Variants in MRPL21 observed in about 807,000 individuals in gnomAD.
MRPL21 encodes the protein mitochondrial ribosomal protein L21, also known as large ribosomal subunit protein bL21m.
A neutral mutation model predicts 27.3 loss-of-function variants in MRPL21; 20 were observed. The observed-to-expected ratio is 0.73, with a 90% CI of 0.52 to 1.06. MRPL21 has a LOEUF of 1.06. Ranked by LOEUF, MRPL21 falls within the 50% of genes least tolerant of loss-of-function variation. The pLI is 0.00. For synonymous variants in MRPL21, 98 were observed against 101.5 expected, an observed-to-expected ratio of 0.97 and a Z score of 0.21; for missense variants, 249 against 251.4, an observed-to-expected ratio of 0.99 and a Z score of 0.06.
intron 6 of MRPL21, chr11:68,892,002 T>G: frequency 9.9e-7 from 1 of 1,011,210 alleles, no homozygotes; most frequent in Non-Finnish European, 1.3e-6. Context: ...CACTGCTGCT[T>G]TGGGGACAGT....
Position 68,896,650 on chromosome 11 carries a change from G to T in MRPL21, c.261C>A (p.Ile87=), listed in dbSNP as rs1333436758. The change falls in exon 4 of 7, where the codon ATC becomes ATA. Residue 87 remains isoleucine, a synonymous_variant. Coordinates refer to ENST00000362034, the MANE Select transcript of MRPL21 (RefSeq NM_181514.2). The part of the protein sequence containing the change: ...AEVVKKVNEM[I]VTGQYGRLFA... ...AGAGCCTGCCATACTGCCCCGTGAC[G>T]ATCATCTCATTCACCTTCTTCACGA... The T allele has an allele frequency of 6.2e-7, 1 of 1,614,096 alleles. No individual in the cohort carries two copies. Among genetic ancestry groups the T allele is most frequent in the Non-Finnish European group, 8.5e-7 (1 of 1,179,994 alleles).
Position 68,896,597 on chromosome 11 carries a change from TG to T in MRPL21, c.313del (p.Gln105SerfsTer4). 1 of 1,614,194 alleles carries T rather than the reference TG, an allele frequency of 6.2e-7. No individual in the cohort carries two copies. The highest frequency in any genetic ancestry group is 1.3e-5 in the African/African-American group (1 of 75,046). On this transcript the variant is annotated frameshift_variant, in exon 4 of 7. Transcript: ENST00000362034. LOFTEE classifies it high-confidence loss of function. ...CAGGTCTTCAGAGGTCACCTTCCAC[TG>T]GCGGCTGGCAAAGTGCACCACGGCA... ...LFAVVHFASR[Q>X]WKVTSEDLIL...
intron 6 of MRPL21, 189 bp from the exon 7 acceptor site, chr11:68,891,584 T>G (rs1594401526): frequency 1.6e-6 from 1 of 638,394 alleles, no homozygotes; most frequent in Non-Finnish European, 2.8e-6. Context: ...TGTTGGCAGG[T>G]GCAGAGGCTG....
chr11:68,902,533 A>G (rs1390724599), intron 1 of MRPL21, among the ~76,000 whole-genome samples: 1 of 152,234 alleles, frequency 6.6e-6, no homozygotes, highest in Non-Finnish European at 1.5e-5. Flanking sequence ...ACCAAAATTG[A>G]GTGGAAGGTA....
At chr11:68,893,034 TA>T in intron 5 of MRPL21, 41 bp from the exon 6 acceptor site, 1 of 1,503,874 alleles carries the variant, frequency 6.6e-7, no homozygotes, top group Non-Finnish European at 8.9e-7. Flanking sequence ...CCTTTTGGAT[TA>T]TTTTTCAAAT....
intron 4 of MRPL21, among the ~76,000 whole-genome samples, chr11:68,893,690 AGAG>A (rs1373701155): frequency 1.3e-5 from 2 of 152,266 alleles, no homozygotes; most frequent in Non-Finnish European, 2.9e-5. Context: ...TCCAACCCTC[AGAG>A]GAGACGCACA....
chr11:68,901,178 A>C lies in MRPL21; in HGVS notation c.89-573T>G, dbSNP rs141745699. Among the ~76,000 whole-genome samples the C allele has an allele frequency of 6.3e-3, 960 of 152,270 alleles. 9 individuals are homozygous for C. The highest frequency in any genetic ancestry group is 0.022 in the African/African-American group (912 of 41,540). ...TAGGCCTATCGCCAACACCCATGGGAACGACCTTGCAGGTAGATTCTCCAG... is the reference window on the plus strand; with the variant it reads ...TAGGCCTATCGCCAACACCCATGGGCACGACCTTGCAGGTAGATTCTCCAG... On this transcript the variant is annotated intron_variant, in intron 1 of 6. Transcript: ENST00000362034.
intron 2 of MRPL21, among the ~76,000 whole-genome samples, chr11:68,900,082 T>C (rs1857897422): frequency 6.6e-6 from 1 of 152,244 alleles, no homozygotes; most frequent in African/African-American, 2.4e-5. Context: ...CAGTTTATGA[T>C]ACCTAAAAAT....
chr11:68,899,913 G>T (rs1857891878), intron 2 of MRPL21, among the ~76,000 whole-genome samples: 1 of 152,154 alleles, frequency 6.6e-6, no homozygotes, highest in Non-Finnish European at 1.5e-5. Context: ...CACCCATGCA[G>T]ATAGAAATGA....
intron 4 of MRPL21, among the ~76,000 whole-genome samples, chr11:68,894,639 C>A (rs1857742156): frequency 6.6e-6 from 1 of 152,150 alleles, no homozygotes; most frequent in South Asian, 2.1e-4. Context: ...AAGAAAAAAT[C>A]CAATCATACT....
chr11:68,897,844 GT>G lies in MRPL21; in HGVS notation c.232+82del, dbSNP rs1480736597. Reference sequence around the variant, plus strand: ...ATCTGGAAACATGAAGCCTCGTTCTGTGGCCTGGTGACAACCTCTGTGGCTG... The same window carrying G: ...ATCTGGAAACATGAAGCCTCGTTCTGGGCCTGGTGACAACCTCTGTGGCTG... On this transcript the variant is annotated intron_variant, in intron 3 of 6. Coordinates refer to ENST00000362034, the MANE Select transcript of MRPL21 (RefSeq NM_181514.2). 3 of 1,016,690 alleles carry G rather than the reference GT, an allele frequency of 3.0e-6. No homozygotes were observed. In the African/African-American group the frequency reaches 4.8e-5, roughly 16 times the overall value. 63.0% of individuals were successfully genotyped at this position (1,016,690 alleles called of 1,614,324 possible).
chr11:68,891,959 C>T (rs1857655995), intron 6 of MRPL21: 1 of 724,546 alleles, frequency 1.4e-6, no homozygotes, highest in Non-Finnish European at 2.0e-6. Context: ...CAGTGCAGAC[C>T]TGCTAGGACA....
intron 4 of MRPL21, 80 bp downstream of exon 4, chr11:68,896,435 C>A: frequency 6.5e-7 from 1 of 1,536,158 alleles, no homozygotes; most frequent in Non-Finnish European, 8.9e-7. Flanking sequence ...GAGGGTCCCT[C>A]CTCCGTGTGA....
At position 68,897,643 on chromosome 11, in the gene MRPL21, C is replaced by T. The variant is rs1280031035; in HGVS notation, c.232+284G>A. Reference sequence around the variant, plus strand: ...AACTGTGCTAACTGGGGAGAGCTGTCGCTGCACCCACCAACAGAAGCAGAC... The same window carrying T: ...AACTGTGCTAACTGGGGAGAGCTGTTGCTGCACCCACCAACAGAAGCAGAC... On this transcript the variant is annotated intron_variant, in intron 3 of 6. Coordinates refer to ENST00000362034, the MANE Select transcript of MRPL21 (RefSeq NM_181514.2). 12 of 502,764 alleles carry T rather than the reference C, an allele frequency of 2.4e-5. 1 individual carries two copies. The highest frequency in any genetic ancestry group is 1.1e-4 in the South Asian group (4 of 37,552). The allele number at this position is 502,764 out of a possible 1,614,324, so 31.1% of individuals were successfully genotyped here.
At chr11:68,893,214 G>T in intron 5 of MRPL21, 189 bp downstream of exon 5, 6 of 1,376,964 alleles carry the variant, frequency 4.4e-6, no homozygotes, top group Non-Finnish European at 4.8e-6. Flanking sequence ...GAAACAGCAA[G>T]AGACCAATAA....
chr11:68,901,841 C>T (rs1829214391), intron 1 of MRPL21, among the ~76,000 whole-genome samples: 1 of 152,196 alleles, frequency 6.6e-6, no homozygotes, highest in South Asian at 2.1e-4. Flanking sequence ...AGAGGCTCCT[C>T]ATTTCTTCCC....
At chr11:68,891,482 G>A in intron 6 of MRPL21, 87 bp from the exon 7 acceptor site, 1 of 1,361,962 alleles carries the variant, frequency 7.3e-7, no homozygotes, top group Non-Finnish European at 1.0e-6. Flanking sequence ...GCCCTCCCCA[G>A]CCAGCGCGAC....
At chr11:68,891,539 T>C in intron 6 of MRPL21, 144 bp from the exon 7 acceptor site, 1 of 773,142 alleles carries the variant, frequency 1.3e-6, no homozygotes, top group Non-Finnish European at 2.3e-6. Flanking sequence ...TCTCCAGGTG[T>C]GCACTGACTG....
rs755926094 is a variant in MRPL21 at position 68,898,056 on chromosome 11, A to G, written c.147-44T>C. The G allele has an allele frequency of 3.3e-6, 5 of 1,499,010 alleles. No homozygotes were observed. The East Asian group carries it at 1.1e-4, about 34-fold the overall frequency. The allele number at this position is 1,499,010 out of a possible 1,614,324, so 92.9% of individuals were successfully genotyped here. A position where few individuals can be genotyped will look rare whatever the true frequency, so the allele number is the denominator to read the frequency against. The stretch of plus-strand genomic sequence containing the variant: ...AGACAAATGTCACAAGCACCTGAAA[A>G]GGCAGCTCAAATCCTCTAAGAAATG... On this transcript the variant is annotated intron_variant, in intron 2 of 6. Transcript: ENST00000362034.
Sources: allele counts gnomAD v4.1 joint callset (sites outside exome capture counted in the v4.1 genomes callset), GRCh38; gene constraint gnomAD v4.1.1; transcripts MANE v1.5; gene names NCBI Gene and HGNC (gene_info 2026-07-23, HGNC 2026-07-21).